Variants in CNTNAP2 observed in about 807,000 individuals in gnomAD.
CNTNAP2 encodes the protein contactin-associated protein-like 2.
A neutral mutation model predicts 155.2 loss-of-function variants in CNTNAP2; 98 were observed. The ratio of observed to expected loss-of-function variants is 0.63; its 90% CI spans 0.54 to 0.75. CNTNAP2 has a LOEUF of 0.75. Among genes scored for constraint, CNTNAP2 ranks in the 30% least tolerant of loss-of-function variants. The pLI is 0.00. For synonymous variants in CNTNAP2, 651 were observed against 631.2 expected, an observed-to-expected ratio of 1.03 and a Z score of -0.47; for missense variants, 1,727 against 1,688.1, an observed-to-expected ratio of 1.02 and a Z score of -0.40.
At chr7:147,496,902 CAA>C (rs2116659544) in intron 11 of CNTNAP2, 1 of 152,108 alleles carries the variant, frequency 6.6e-6, no homozygotes, top group South Asian at 2.1e-4. Context: ...TCCCTCTTGG[CAA>C]AAGAATGCTA....
intron 1 of CNTNAP2, among the ~76,000 whole-genome samples, chr7:146,505,907 C>A (rs1302528730): frequency 6.6e-6 from 1 of 152,194 alleles, no homozygotes; most frequent in East Asian, 1.9e-4. Flanking sequence ...CCAGGTCCAA[C>A]CTTGAACTCT....
intron 13 of CNTNAP2, among the ~76,000 whole-genome samples, chr7:147,764,788 T>A (rs542163039): frequency 6.9e-6 from 1 of 144,558 alleles, no homozygotes; most frequent in Non-Finnish European, 1.6e-5. Flanking sequence ...CTAAGTTAAT[T>A]TTTTTAAAAA....
At chr7:147,064,837 C>T (rs571023748) in intron 4 of CNTNAP2, among the ~76,000 whole-genome samples, 61 of 152,264 alleles carry the variant, frequency 4.0e-4, no homozygotes, top group African/African-American at 1.4e-3. Flanking sequence ...GACCTTGTTT[C>T]AGTCCAGAAA....
In CNTNAP2 at chr7:148,383,745, AG is replaced by A; in HGVS notation, c.3574del (p.Ala1192ProfsTer3). The A allele has an allele frequency of 6.2e-7, 1 of 1,614,158 alleles. No individual in the cohort carries two copies. Among genetic ancestry groups the A allele is most frequent in the Non-Finnish European group, 8.5e-7 (1 of 1,180,040 alleles). On this transcript the variant is annotated frameshift_variant, in exon 22 of 24. Coordinates refer to ENST00000361727, the MANE Select transcript of CNTNAP2 (RefSeq NM_014141.6). LOFTEE classifies it high-confidence loss of function. ...RVQFNQIAPL[K>X]AALRQTNASA... is the part of the protein sequence containing the mutation. ...CAGTTCAACCAGATCGCCCCTCTCA[AG>A]GCCGCCTTGAGGCAGACAAACGCCT...
intron 12 of CNTNAP2, among the ~76,000 whole-genome samples, chr7:147,570,089 C>T (rs1378844719): frequency 6.6e-6 from 1 of 152,230 alleles, no homozygotes; most frequent in Admixed American, 6.5e-5. Context: ...GCTGACCTGA[C>T]TTGGTCGTCA....
chr7:147,524,276 G>C (rs998911261), intron 11 of CNTNAP2, among the ~76,000 whole-genome samples: 3 of 152,132 alleles, frequency 2.0e-5, no homozygotes, highest in African/African-American at 7.2e-5. Context: ...TGTAATCCCA[G>C]CTACTCGGGT....
intron 4 of CNTNAP2, among the ~76,000 whole-genome samples, chr7:147,094,440 C>A (rs1320591457): frequency 7.3e-6 from 1 of 137,890 alleles, no homozygotes; most frequent in Non-Finnish European, 1.5e-5. Context: ...GTCTTGCTGT[C>A]ACCCAGGCTG....
At chr7:148,047,945 A>G (rs1802803302) in intron 15 of CNTNAP2, among the ~76,000 whole-genome samples, 1 of 151,168 alleles carries the variant, frequency 6.6e-6, no homozygotes, top group Non-Finnish European at 1.5e-5. Flanking sequence ...TTGTTTTGAG[A>G]CAGAGTCTCG....
intron 8 of CNTNAP2, among the ~76,000 whole-genome samples, chr7:147,172,284 C>T (rs1229640874): frequency 6.6e-6 from 1 of 152,116 alleles, no homozygotes; most frequent in African/African-American, 2.4e-5. Context: ...ACCTAAATCA[C>T]ATTTATTCCA....
chr7:146,927,996 G>A (rs1296738885), intron 3 of CNTNAP2, among the ~76,000 whole-genome samples: 14 of 149,598 alleles, frequency 9.4e-5, no homozygotes, highest in African/African-American at 3.4e-4. Context: ...ATATGTATAT[G>A]CATATAATTT....
chr7:148,260,848 G>A (rs1796546518), intron 20 of CNTNAP2, among the ~76,000 whole-genome samples: 1 of 152,174 alleles, frequency 6.6e-6, no homozygotes, highest in African/African-American at 2.4e-5. Flanking sequence ...AGGCATGTGA[G>A]GGCCTTCACA....
intron 10 of CNTNAP2, among the ~76,000 whole-genome samples, chr7:147,430,172 T>G (rs949722637): frequency 6.6e-6 from 1 of 152,198 alleles, no homozygotes; most frequent in African/African-American, 2.4e-5. Flanking sequence ...CATCCCATTT[T>G]CCCTCTCAAC....
chr7:148,129,897 C>T (rs998983471), intron 16 of CNTNAP2, among the ~76,000 whole-genome samples: 1 of 152,184 alleles, frequency 6.6e-6, no homozygotes, highest in Non-Finnish European at 1.5e-5. Context: ...TCTCAGTTCT[C>T]CTAAGGATGA....
chr7:147,221,809 A>G (rs1238809977), intron 8 of CNTNAP2, among the ~76,000 whole-genome samples: 1 of 152,160 alleles, frequency 6.6e-6, no homozygotes, highest in South Asian at 2.1e-4. Flanking sequence ...TTGGCCAGAC[A>G]AAGTCTCCAT....
At chr7:147,116,880 A>T (rs1801002596) in intron 5 of CNTNAP2, among the ~76,000 whole-genome samples, 1 of 150,862 alleles carries the variant, frequency 6.6e-6, no homozygotes. Context: ...CTGCTGGGGA[A>T]ACCTTCCTCC....
chr7:147,838,176 G>T (rs982993363), intron 13 of CNTNAP2, among the ~76,000 whole-genome samples: 1 of 152,154 alleles, frequency 6.6e-6, no homozygotes, highest in African/African-American at 2.4e-5. Context: ...CGGCTGGGAT[G>T]CAGGACACCA....
chr7:147,210,251 T>A (rs1803119078), intron 8 of CNTNAP2, among the ~76,000 whole-genome samples: 1 of 152,030 alleles, frequency 6.6e-6, no homozygotes, highest in African/African-American at 2.4e-5. Flanking sequence ...GTAGGCTTTT[T>A]ATTAATGATT....
chr7:148,149,512 A>G (rs1585152525), intron 17 of CNTNAP2, among the ~76,000 whole-genome samples: 1 of 152,156 alleles, frequency 6.6e-6, no homozygotes, highest in Non-Finnish European at 1.5e-5. Context: ...GGCAAATAAT[A>G]TCAAGCACCA....
At chr7:147,215,592 G>T (rs1312128135) in intron 8 of CNTNAP2, among the ~76,000 whole-genome samples, 1 of 152,038 alleles carries the variant, frequency 6.6e-6, no homozygotes, top group Admixed American at 6.5e-5. Context: ...TTCACCTACT[G>T]CAAGAAATCT....
Sources: allele counts gnomAD v4.1 joint callset (sites outside exome capture counted in the v4.1 genomes callset), GRCh38; gene constraint gnomAD v4.1.1; transcripts MANE v1.5; gene names NCBI Gene and HGNC (gene_info 2026-07-23, HGNC 2026-07-21).